GNAT1: variants seen among roughly 807,000 people sequenced by gnomAD.
GNAT1 encodes guanine nucleotide-binding protein G(t) subunit alpha-1.
GNAT1 carries 36 observed loss-of-function variants against 40.0 expected under a neutral mutation model. The ratio of observed to expected loss-of-function variants is 0.90; its 90% confidence interval spans 0.69 to 1.19. The LOEUF is 1.19. Among genes scored for constraint, GNAT1 ranks in the 50% most tolerant of loss-of-function variants. GNAT1 has a pLI of 0.00. For synonymous variants in GNAT1, 195 were observed against 192.9 expected, an observed-to-expected ratio of 1.01 and a Z score of -0.09; for missense variants, 413 against 480.6, an observed-to-expected ratio of 0.86 and a Z score of 1.32.
In GNAT1 at chr3:50,197,072, A is replaced by G. The variant is rs536472605; in HGVS notation, c.*1806A>G. 2.0e-5 allele frequency among the ~76,000 whole-genome samples: 3 copies of G among 152,354 alleles called. No homozygotes were observed. The highest frequency in any genetic ancestry group is 4.4e-5 in the Non-Finnish European group (3 of 68,042). On this transcript the variant is annotated 3_prime_UTR_variant, in exon 9 of 9. Transcript: ENST00000232461. ...ATTAGGATAATATTTTTAAAAATCA[A>G]ATGAATGCAAAACCCCACAATGAAT...
chr3:50,191,733 C>T lies in GNAT1; in HGVS notation c.8C>T (p.Ala3Val). The T allele has an allele frequency of 6.2e-7, 1 of 1,611,836 alleles. No individual in the cohort carries two copies. Among genetic ancestry groups the T allele is most frequent in the Non-Finnish European group, 8.5e-7 (1 of 1,177,936 alleles). MGAGASAEEKHSR... is the reference protein window; with the variant it reads MGVGASAEEKHSR... Reference sequence around the variant, plus strand: ...TCGCCTGCTGCTGGGACCATGGGGGCTGGGGCCAGTGCTGAGGAGAAGCAC... The same window carrying T: ...TCGCCTGCTGCTGGGACCATGGGGGTTGGGGCCAGTGCTGAGGAGAAGCAC... Residue 3 changes from alanine (A) to valine (V), a missense_variant, in exon 1 of 9, where the codon GCT (alanine) becomes GTT (valine). Ala to Val is a moderately conservative substitution (Grantham distance 64). Transcript: ENST00000232461.
Position 50,194,964 on chromosome 3 carries a change from G to C in GNAT1, c.*1+8G>C. 6.2e-7 allele frequency: 1 copy of C among 1,602,358 alleles called. No homozygotes were observed. On this transcript the variant is annotated splice_region_variant and intron_variant, in intron 8 of 8. Coordinates refer to ENST00000232461, the MANE Select transcript of GNAT1 (RefSeq NM_144499.3). This position sits in a 1 kb window ranked among gnomAD's most constrained non-coding sequence, Gnocchi z 6.1. ...ACTGTGGCCTCTTCTGAGGTAGGTC[G>C]CTGCCCTCTCCAGGCTCTTGCCTCA...
At position 50,194,557 on chromosome 3, in the gene GNAT1, C is replaced by T. The variant is rs377426743; in HGVS notation, c.765C>T (p.Phe255=). The stretch of plus-strand genomic sequence containing the variant: ...ACAGCATCTGCAACCACCGCTACTT[C>T]GCCACGACGTCCATCGTGCTCTTCC... ...LFNSICNHRY[F]ATTSIVLFLN... is the part of the protein sequence containing the mutation. Residue 255 remains phenylalanine (F), a synonymous_variant, in exon 7 of 9, where the codon TTC becomes TTT. Transcript: ENST00000232461. This position sits in a 1 kb window ranked among gnomAD's most constrained non-coding sequence, Gnocchi z 6.1. 6.2e-7 allele frequency: 1 copy of T among 1,613,678 alleles called. No homozygotes were observed. The highest frequency in any genetic ancestry group is 8.5e-7 in the Non-Finnish European group (1 of 1,179,698).
intron 8 of GNAT1, 78 bp from the exon 9 acceptor site, chr3:50,195,190 G>T: frequency 1.7e-6 from 1 of 584,230 alleles, no homozygotes; most frequent in Non-Finnish European, 3.0e-6. Flanking sequence ...ACAGCTTCCA[G>T]GGCCGCCCCA....
Position 50,196,977 on chromosome 3 carries a change from G to A in GNAT1, c.*1711G>A, listed in dbSNP as rs1375058592. ...CAGGGCTGGGATTAGGGTGAGGGAA[G>A]TGAGGCACACTCACCTTGGGTGCAA... On this transcript the variant is annotated 3_prime_UTR_variant, in exon 9 of 9. Transcript: ENST00000232461. Among the ~76,000 whole-genome samples, 2 of 152,022 alleles carry A rather than the reference G, an allele frequency of 1.3e-5. No individual in the cohort carries two copies.
rs1239518621 is a variant in GNAT1 at position 50,193,669 on chromosome 3, C to A, written c.449+6C>A. The A allele has an allele frequency of 1.2e-6, 2 of 1,610,562 alleles. No individual in the cohort carries two copies. Among genetic ancestry groups the A allele is most frequent in the Non-Finnish European group, 1.7e-6 (2 of 1,179,086 alleles). ...CTCAACGACTCGGCGGGCTAGTGAG[C>A]GCGCGGGCAGCGCGGGGCGCGGGGC... On this transcript the variant is annotated splice_donor_region_variant and intron_variant, in intron 4 of 8. Transcript: ENST00000232461. The surrounding 1 kb of genome is among the most constrained non-coding windows in gnomAD (Gnocchi z 8.1).
rs2109141505 is a variant in GNAT1, at chr3:50,196,979, G to C, written c.*1713G>C. On this transcript the variant is annotated 3_prime_UTR_variant, in exon 9 of 9. Transcript: ENST00000232461. ...GGGCTGGGATTAGGGTGAGGGAAGT[G>C]AGGCACACTCACCTTGGGTGCAACA... Among the ~76,000 whole-genome samples, 1 of 152,256 alleles carries C rather than the reference G, an allele frequency of 6.6e-6. No homozygotes were observed. The highest frequency in any genetic ancestry group is 2.4e-5 in the African/African-American group (1 of 41,528).
Position 50,193,789 on chromosome 3 carries a change from C to G in GNAT1, c.486C>G (p.Gly162=), listed in dbSNP as rs780435445. 6.2e-7 allele frequency: 1 copy of G among 1,612,782 alleles called. No individual in the cohort carries two copies. The highest frequency in any genetic ancestry group is 1.7e-5 in the Admixed American group (1 of 60,012). ...ACCTGGAGCGCCTGGTAACCCCGGG[C>G]TACGTGCCCACCGAGCAGGACGTGC... The part of the protein sequence containing the change: ...LSDLERLVTP[G]YVPTEQDVLR... The change falls in exon 5 of 9, where the codon GGC becomes GGG. Residue 162 remains glycine (G), a synonymous_variant. Coordinates refer to ENST00000232461, the MANE Select transcript of GNAT1 (RefSeq NM_144499.3). This position sits in a 1 kb window ranked among gnomAD's most constrained non-coding sequence, Gnocchi z 8.1.
intron 8 of GNAT1, 46 bp downstream of exon 8, chr3:50,195,002 C>G: frequency 7.2e-7 from 1 of 1,380,912 alleles, no homozygotes; most frequent in Admixed American, 1.9e-5. Flanking sequence ...ACCCCAGCCC[C>G]GTCCAGCTCC....
rs1312096142 is a variant in GNAT1, at chr3:50,195,127, A to T, written c.*2-141A>T. ...ACCGACAGAGGCCCCGCCCCACCCC[A>T]CAAGTCCCACCCATTGAATTTCTTT... On this transcript the variant is annotated intron_variant, in intron 8 of 8. Coordinates refer to ENST00000232461, the MANE Select transcript of GNAT1 (RefSeq NM_144499.3). The T allele has an allele frequency of 8.2e-6, 4 of 490,108 alleles. No homozygotes were observed. In the Admixed American group the frequency reaches 1.5e-4, roughly 18 times the overall value. 30.4% of individuals were successfully genotyped at this position (490,108 alleles called of 1,614,324 possible).
rs1394701402 is a variant in GNAT1 at position 50,196,667 on chromosome 3, G to A, written c.*1401G>A. ...CAAGGTGGGGCACTCTTGGGGGTAT[G>A]GGACCAACTCATGGCTTTTCACGGG... On this transcript the variant is annotated 3_prime_UTR_variant, in exon 9 of 9. Coordinates refer to ENST00000232461, the MANE Select transcript of GNAT1 (RefSeq NM_144499.3). Among the ~76,000 whole-genome samples the A allele has an allele frequency of 6.6e-6, 1 of 152,218 alleles. No homozygotes were observed. Among genetic ancestry groups the A allele is most frequent in the African/African-American group, 2.4e-5 (1 of 41,452 alleles).
chr3:50,194,329 G>C lies in GNAT1; in HGVS notation c.708+108G>C. On this transcript the variant is annotated intron_variant, in intron 6 of 8. Transcript: ENST00000232461. The surrounding 1 kb of genome is among the most constrained non-coding windows in gnomAD (Gnocchi z 6.1). ...GGGGAGGGCACGGGAGGGGATGCCT[G>C]TCCCGGGCGGCCTGAGGAGGCCCGG... 6.9e-7 allele frequency: 1 copy of C among 1,447,166 alleles called. No individual in the cohort carries two copies. The highest frequency in any genetic ancestry group is 1.2e-5 in the South Asian group (1 of 80,462). 89.6% of individuals were successfully genotyped at this position (1,447,166 alleles called of 1,614,324 possible).
chr3:50,194,043 G>T lies in GNAT1; in HGVS notation c.579-49G>T, dbSNP rs1420156500. The T allele has an allele frequency of 6.2e-7, 1 of 1,611,082 alleles. No homozygotes were observed. The highest frequency in any genetic ancestry group is 2.2e-5 in the East Asian group (1 of 44,814). ...CCCGACCAGCACAGGGCGAAGGGAT[G>T]TTGCCTGTGGGGCCCGGGGCGCAGG... On this transcript the variant is annotated intron_variant, in intron 5 of 8. Coordinates refer to ENST00000232461, the MANE Select transcript of GNAT1 (RefSeq NM_144499.3). This position sits in a 1 kb window ranked among gnomAD's most constrained non-coding sequence, Gnocchi z 6.1.
intron 1 of GNAT1, chr3:50,192,853 G>A (rs1699433281): frequency 3.5e-6 from 2 of 578,808 alleles, no homozygotes; most frequent in Non-Finnish European, 6.2e-6. Flanking sequence ...TGCCTGTGCC[G>A]GGGTCTTGGG....
chr3:50,193,907 G>A lies in GNAT1; in HGVS notation c.578+26G>A, dbSNP rs1699460946. 3 of 1,613,000 alleles carry A rather than the reference G, an allele frequency of 1.9e-6. No individual in the cohort carries two copies. The highest frequency in any genetic ancestry group is 2.5e-6 in the Non-Finnish European group (3 of 1,179,780). ...GTACGACCCATACGCTAGCCCAGGA[G>A]GTCACTGCCCCAGGCCCCGTCCTGC... On this transcript the variant is annotated intron_variant, in intron 5 of 8. Coordinates refer to ENST00000232461, the MANE Select transcript of GNAT1 (RefSeq NM_144499.3). This position sits in a 1 kb window ranked among gnomAD's most constrained non-coding sequence, Gnocchi z 8.1.
chr3:50,194,739 C>A lies in GNAT1; in HGVS notation c.863-26C>A. 1.2e-6 allele frequency: 2 copies of A among 1,612,204 alleles called. No individual in the cohort carries two copies. Among genetic ancestry groups the A allele is most frequent in the Middle Eastern group, 3.3e-4 (2 of 6,062 alleles). Reference sequence around the variant, plus strand: ...CCCGCACGGGGAAGGAAGGGCTGAGCAGAGTGAGAGCTCCCGCCCCCGCAG... The same window carrying A: ...CCCGCACGGGGAAGGAAGGGCTGAGAAGAGTGAGAGCTCCCGCCCCCGCAG... On this transcript the variant is annotated intron_variant, in intron 7 of 8. Transcript: ENST00000232461. This position sits in a 1 kb window ranked among gnomAD's most constrained non-coding sequence, Gnocchi z 6.1.
At position 50,194,605 on chromosome 3, in the gene GNAT1, C is replaced by T; in HGVS notation, c.813C>T (p.Phe271=). 6.2e-7 allele frequency: 1 copy of T among 1,613,344 alleles called. No homozygotes were observed. Among genetic ancestry groups the T allele is most frequent in the East Asian group, 2.2e-5 (1 of 44,868 alleles). ...VLFLNKKDVF[F]EKIKKAHLSI... ...TCCTTAACAAGAAGGACGTCTTCTT[C>T]GAGAAGATCAAGAAGGCGCACCTCA... Residue 271 remains phenylalanine (F), a synonymous_variant, in exon 7 of 9, where the codon TTC becomes TTT. Coordinates refer to ENST00000232461, the MANE Select transcript of GNAT1 (RefSeq NM_144499.3). The surrounding 1 kb of genome is among the most constrained non-coding windows in gnomAD (Gnocchi z 6.1).
intron 1 of GNAT1, chr3:50,192,855 G>A (rs1351615321): frequency 1.7e-6 from 1 of 581,908 alleles, no homozygotes; most frequent in African/African-American, 1.9e-5. Context: ...CCTGTGCCGG[G>A]GTCTTGGGGA....
In GNAT1 at chr3:50,194,003, C is replaced by G; in HGVS notation, c.579-89C>G. On this transcript the variant is annotated intron_variant, in intron 5 of 8. Coordinates refer to ENST00000232461, the MANE Select transcript of GNAT1 (RefSeq NM_144499.3). This position sits in a 1 kb window ranked among gnomAD's most constrained non-coding sequence, Gnocchi z 6.1. The stretch of plus-strand genomic sequence containing the variant: ...CCCCGCCAGCAGAAAGGGTGGTAGT[C>G]CCGGCCGAGAGCTCCCCGACCAGCA... 1 of 1,604,636 alleles carries G rather than the reference C, an allele frequency of 6.2e-7. No individual in the cohort carries two copies. The highest frequency in any genetic ancestry group is 8.5e-7 in the Non-Finnish European group (1 of 1,172,076).
Sources: gnomAD v4.1 joint callset for allele counts (sites outside exome capture counted in the v4.1 genomes callset) on GRCh38, gnomAD v4.1.1 for gene constraint, Gnocchi (gnomAD v3.1) non-coding constraint, MANE v1.5 for transcripts, NCBI Gene and HGNC (gene_info 2026-07-23, HGNC 2026-07-21) for gene names.